Variants in CHAF1B observed in about 807,000 individuals in gnomAD.
CHAF1B encodes chromatin assembly factor 1 subunit B.
CHAF1B carries 10 observed loss-of-function variants against 60.7 expected under a neutral mutation model. The ratio of observed to expected loss-of-function variants is 0.16; its 90% CI spans 0.10 to 0.28. The LOEUF is 0.28. Among genes scored for constraint, CHAF1B ranks in the 10% least tolerant of loss-of-function variants. CHAF1B has a pLI of 1.00. For missense variants in CHAF1B, 558 were observed against 708.4 expected, an observed-to-expected ratio of 0.79 and a Z score of 2.41; for synonymous variants, 261 against 266.1, an observed-to-expected ratio of 0.98 and a Z score of 0.19.
chr21:36,412,753 C>A (rs912299416), intron 11 of CHAF1B, 131 bp from the exon 12 acceptor site: 21 of 818,314 alleles, frequency 2.6e-5, no homozygotes, highest in Non-Finnish European at 3.4e-5. Flanking sequence ...ATCACACACT[C>A]TTTTCCAGTT....
intron 3 of CHAF1B, among the ~76,000 whole-genome samples, chr21:36,390,782 C>T (rs1028680653): frequency 1.3e-5 from 2 of 152,058 alleles, no homozygotes; most frequent in African/African-American, 2.4e-5. Context: ...CAGCCTCCTG[C>T]GTAGTGGGAC....
rs2086032217 is a variant in CHAF1B, at chr21:36,386,230, C to G, written c.94C>G (p.Leu32Val). 1 of 1,614,098 alleles carries G rather than the reference C, an allele frequency of 6.2e-7. No individual in the cohort carries two copies. The highest frequency in any genetic ancestry group is 1.1e-5 in the South Asian group (1 of 91,082). Residue 32 changes from leucine (L) to valine (V), a missense_variant, in exon 2 of 14, where the codon CTG becomes GTG. Around this residue, in one of 2 missense-constraint regions of CHAF1B, gnomAD observed 325 missense variants for 493.5 expected, o/e 0.66. Coordinates refer to ENST00000314103, the MANE Select transcript of CHAF1B (RefSeq NM_005441.3). Reference sequence around the variant, plus strand: ...TGGGACGGCTGGGAGGATCCACAGACTGGCGTCTGCCGGCGTGGACACCAA... The same window carrying G: ...TGGGACGGCTGGGAGGATCCACAGAGTGGCGTCTGCCGGCGTGGACACCAA... ...QHGTAGRIHR[L>V]ASAGVDTNVR...
intron 4 of CHAF1B, among the ~76,000 whole-genome samples, chr21:36,392,519 A>C (rs1021042270): frequency 3.5e-5 from 5 of 144,280 alleles, no homozygotes; most frequent in African/African-American, 1.3e-4. Flanking sequence ...GGCGCCCCCC[A>C]CCTCCCGGAC....
chr21:36,410,572 G>C (rs1440151909), intron 10 of CHAF1B, among the ~76,000 whole-genome samples: 3 of 151,796 alleles, frequency 2.0e-5, no homozygotes, highest in Admixed American at 6.6e-5. Context: ...GTCCCATCCA[G>C]TGTGTTTTTC....
Position 36,411,615 on chromosome 21 carries a change from G to A in CHAF1B, c.1061+11G>A. On this transcript the variant is annotated intron_variant, in intron 11 of 13. Coordinates refer to ENST00000314103, the MANE Select transcript of CHAF1B (RefSeq NM_005441.3). ...CAGTGACATTTCATGGTGAGTGGCT[G>A]CTAATGAGGGAGAGTGAGTGAAGGA... 6.2e-7 allele frequency: 1 copy of A among 1,613,910 alleles called. No homozygotes were observed. The highest frequency in any genetic ancestry group is 8.5e-7 in the Non-Finnish European group (1 of 1,179,870).
chr21:36,412,332 C>A (rs778206184), intron 11 of CHAF1B, among the ~76,000 whole-genome samples: 1 of 152,038 alleles, frequency 6.6e-6, no homozygotes, highest in Non-Finnish European at 1.5e-5. Flanking sequence ...TTTTGGTCCC[C>A]AATTCAGCCC....
chr21:36,393,462 T>C (rs1004987355), intron 4 of CHAF1B, among the ~76,000 whole-genome samples: 61 of 150,004 alleles, frequency 4.1e-4, no homozygotes, highest in Admixed American at 1.2e-3. Context: ...TTTTTTTTTT[T>C]TTTTTTTAGA....
At chr21:36,404,665 C>T (rs1422011978) in intron 8 of CHAF1B, among the ~76,000 whole-genome samples, 5 of 150,184 alleles carry the variant, frequency 3.3e-5, no homozygotes, top group African/African-American at 1.2e-4. Context: ...AACTCCGGAC[C>T]TCAGGTGATC....
At chr21:36,391,736 T>C in intron 4 of CHAF1B, 68 bp downstream of exon 4, 1 of 1,050,656 alleles carries the variant, frequency 9.5e-7, no homozygotes, top group Non-Finnish European at 1.5e-6. Context: ...ATATACCTTT[T>C]GACTTTTTTT....
intron 5 of CHAF1B, among the ~76,000 whole-genome samples, chr21:36,396,590 G>A (rs959096136): frequency 1.3e-5 from 2 of 151,140 alleles, no homozygotes; most frequent in East Asian, 3.9e-4. Context: ...GGAAGTTGAG[G>A]CTGCAGTGAG....
At chr21:36,397,689 T>G in intron 6 of CHAF1B, 178 bp downstream of exon 6, 1 of 368,250 alleles carries the variant, frequency 2.7e-6, no homozygotes, top group Non-Finnish European at 4.9e-6. Flanking sequence ...TTAGGACAAG[T>G]GCCTTACACG....
At position 36,413,162 on chromosome 21, in the gene CHAF1B, G is replaced by A. The variant is rs1484634707; in HGVS notation, c.1340G>A (p.Arg447Lys). The A allele has an allele frequency of 6.2e-7, 1 of 1,613,928 alleles. No individual in the cohort carries two copies. The highest frequency in any genetic ancestry group is 1.3e-5 in the African/African-American group (1 of 74,950). ...ARQAPAPTVI[R>K]DPPSITPAVK... ...CAGGCCCCAGCCCCAACAGTCATCAGGGACCCTCCCTCCATCACTCCTGCT... is the reference window on the plus strand; with the variant it reads ...CAGGCCCCAGCCCCAACAGTCATCAAGGACCCTCCCTCCATCACTCCTGCT... Residue 447 changes from arginine to lysine, a missense_variant, in exon 12 of 14, where the codon AGG (arginine) becomes AAG (lysine). Physicochemically the swap from Arg to Lys is conservative, Grantham distance 26 (BLOSUM62 2). Coordinates refer to ENST00000314103, the MANE Select transcript of CHAF1B (RefSeq NM_005441.3).
chr21:36,414,062 T>C (rs2086299188), intron 12 of CHAF1B, among the ~76,000 whole-genome samples: 1 of 152,068 alleles, frequency 6.6e-6, no homozygotes, highest in Non-Finnish European at 1.5e-5. Context: ...TCAGTGTGGC[T>C]GGCACGCACG....
At chr21:36,409,202 T>A (rs555475250) in intron 9 of CHAF1B, among the ~76,000 whole-genome samples, 172 bp from the exon 10 acceptor site, 17 of 149,400 alleles carry the variant, frequency 1.1e-4, no homozygotes, top group African/African-American at 4.2e-4. Flanking sequence ...GGTTTCGTCA[T>A]GTTGGCCAGG....
chr21:36,407,040 G>A (rs1232244706), intron 8 of CHAF1B, among the ~76,000 whole-genome samples: 2 of 152,186 alleles, frequency 1.3e-5, no homozygotes, highest in Non-Finnish European at 2.9e-5. Context: ...GGTGGCTCAA[G>A]CCTGTAATCC....
At chr21:36,415,501 G>T in intron 13 of CHAF1B, 112 bp downstream of exon 13, 1 of 762,442 alleles carries the variant, frequency 1.3e-6, no homozygotes, top group Non-Finnish European at 2.2e-6. Context: ...CAGCAGGGAT[G>T]CATCTTATTG....
At chr21:36,396,859 T>C (rs965554439) in intron 5 of CHAF1B, among the ~76,000 whole-genome samples, 9 of 152,278 alleles carry the variant, frequency 5.9e-5, no homozygotes, top group African/African-American at 1.9e-4. Flanking sequence ...CTTCTAAACC[T>C]GTTTCACCTT....
At chr21:36,411,239 G>C (rs2086275860) in intron 10 of CHAF1B, among the ~76,000 whole-genome samples, 1 of 151,164 alleles carries the variant, frequency 6.6e-6, no homozygotes, top group Non-Finnish European at 1.5e-5. Context: ...TCAGCCTCCT[G>C]AGTAGTTGGT....
intron 7 of CHAF1B, among the ~76,000 whole-genome samples, chr21:36,400,215 C>G (rs1323930819): frequency 6.6e-5 from 10 of 151,952 alleles, no homozygotes. Flanking sequence ...CATGATGGCT[C>G]ATGCCTGTAA....
Sources: gnomAD v4.1 joint callset for allele counts (sites outside exome capture counted in the v4.1 genomes callset) on GRCh38, gnomAD v4.1.1 for gene constraint, gnomAD v4.1.1 regional missense constraint, MANE v1.5 for transcripts, NCBI Gene and HGNC (gene_info 2026-07-23, HGNC 2026-07-21) for gene names.